Variants in CDKL3 observed in about 807,000 individuals in gnomAD.
CDKL3 encodes cyclin dependent kinase like 3, also known as cyclin-dependent kinase-like 3.
In CDKL3, 65 loss-of-function variants were observed where a neutral mutation model predicts 69.3. The observed-to-expected ratio is 0.94, with a 90% CI of 0.77 to 1.15. CDKL3 has a LOEUF of 1.15. Among genes scored for constraint, CDKL3 ranks in the 50% most tolerant of loss-of-function variants. The pLI is 0.00. For synonymous variants in CDKL3, 202 were observed against 221.6 expected, an observed-to-expected ratio of 0.91 and a Z score of 0.79; for missense variants, 652 against 689.2, an observed-to-expected ratio of 0.95 and a Z score of 0.61.
upstream of CDKL3, chr5:134,371,137 A>C (rs575662116): frequency 3.9e-6 from 1 of 253,350 alleles, no homozygotes; most frequent in South Asian, 4.0e-5. Context: ...ACGTGATCTT[A>C]CATCATCCCA....
rs368872823 is a variant in CDKL3 at position 134,307,992 on chromosome 5, C to G, written c.1364+146G>C. The G allele has an allele frequency of 7.9e-6, 10 of 1,262,912 alleles. No homozygotes were observed. The African/African-American group carries it at 1.5e-4, about 19-fold the overall frequency. 78.2% of individuals were successfully genotyped at this position (1,262,912 alleles called of 1,614,324 possible). A position where few individuals can be genotyped will look rare whatever the true frequency, so the allele number is the denominator to read the frequency against. On this transcript the variant is annotated intron_variant, in intron 9 of 12. Coordinates refer to ENST00000265334, the MANE Select transcript of CDKL3 (RefSeq NM_001113575.2). ...TCTTCTACAGCATCCATAAGAAACA[C>G]TCAGTAAATGGCCCATTATACAGCT...
At chr5:134,365,270 C>T (rs1286627145) in intron 2 of CDKL3, among the ~76,000 whole-genome samples, 2 of 152,150 alleles carry the variant, frequency 1.3e-5, no homozygotes, top group East Asian at 3.9e-4. Context: ...AGCCACCGCA[C>T]CCGGCCTTAA....
At chr5:134,340,391 G>C (rs1055920903) in intron 4 of CDKL3, among the ~76,000 whole-genome samples, 3 of 152,094 alleles carry the variant, frequency 2.0e-5, no homozygotes, top group Non-Finnish European at 2.9e-5. Flanking sequence ...TCATTAAATA[G>C]AGAATAAGAA....
In CDKL3 at chr5:134,321,915, C is replaced by CA; in HGVS notation, c.540-13dup. 1 of 1,400,160 alleles carries CA rather than the reference C, an allele frequency of 7.1e-7. No individual in the cohort carries two copies. Among genetic ancestry groups the CA allele is most frequent in the South Asian group, 1.3e-5 (1 of 78,292 alleles). 86.7% of individuals were successfully genotyped at this position (1,400,160 alleles called of 1,614,324 possible). A position where few individuals can be genotyped will look rare whatever the true frequency, so the allele number is the denominator to read the frequency against. ...AGATATCCACAGGTCTGAAACAGAT[C>CA]AGGGAAAAAAAAATCACTTTTTCAT... is the stretch of plus-strand genomic sequence containing the variant. On this transcript the variant is annotated splice_polypyrimidine_tract_variant and intron_variant, in intron 4 of 12. Transcript: ENST00000265334.
In CDKL3 at chr5:134,308,723, T is replaced by A. The variant is rs1768576014; in HGVS notation, c.886A>T (p.Met296Leu). 6.3e-7 allele frequency: 1 copy of A among 1,583,690 alleles called. No individual in the cohort carries two copies. The highest frequency in any genetic ancestry group is 1.4e-5 in the African/African-American group (1 of 73,098). ...FTRDGFIEKF[M>L]PELKAKLLQE... ...AGTAATTTAGCTTTCAGTTCTGGCATGAATCTGACAAAACAAGCAATATCA... is the reference window on the plus strand; with the variant it reads ...AGTAATTTAGCTTTCAGTTCTGGCAAGAATCTGACAAAACAAGCAATATCA... Residue 296 changes from methionine to leucine, a missense_variant, in exon 8 of 13, where the codon ATG becomes TTG. By Grantham distance (15) the Met-to-Leu change is conservative (BLOSUM62 2). Transcript: ENST00000265334.
At chr5:134,302,934 G>A (rs923403850) in intron 11 of CDKL3, among the ~76,000 whole-genome samples, 3 of 151,920 alleles carry the variant, frequency 2.0e-5, no homozygotes, top group African/African-American at 7.3e-5. Context: ...TATTCTCAGT[G>A]TAACTGTTAA....
chr5:134,334,441 TG>T (rs1776558970), intron 4 of CDKL3, among the ~76,000 whole-genome samples: 1 of 152,240 alleles, frequency 6.6e-6, no homozygotes. Context: ...TTTTCTCTTA[TG>T]GGCACTTAGT....
intron 4 of CDKL3, among the ~76,000 whole-genome samples, chr5:134,349,776 G>A (rs1332440273): frequency 1.3e-5 from 2 of 152,140 alleles, no homozygotes; most frequent in Non-Finnish European, 2.9e-5. Flanking sequence ...GGTACCTAAA[G>A]GATCTGTTAT....
intron 4 of CDKL3, among the ~76,000 whole-genome samples, chr5:134,345,811 G>A (rs1443207124): frequency 2.0e-5 from 3 of 152,144 alleles, no homozygotes; most frequent in South Asian, 2.1e-4. Flanking sequence ...GGATGTATCC[G>A]TGCAGGTCAC....
intron 4 of CDKL3, among the ~76,000 whole-genome samples, chr5:134,337,815 A>G (rs1028626900): frequency 6.6e-6 from 1 of 152,330 alleles, no homozygotes; most frequent in East Asian, 1.9e-4. Context: ...TTTTAGCAGA[A>G]TTCATATTGT....
At chr5:134,311,930 G>A (rs1769638851) in intron 7 of CDKL3, among the ~76,000 whole-genome samples, 1 of 152,106 alleles carries the variant, frequency 6.6e-6, no homozygotes, top group Non-Finnish European at 1.5e-5. Context: ...GAGTAGCTGG[G>A]ACTACAAGCG....
At position 134,298,582 on chromosome 5, in the gene CDKL3, C is replaced by G; in HGVS notation, c.*69G>C. On this transcript the variant is annotated 3_prime_UTR_variant, in exon 13 of 13. Coordinates refer to ENST00000265334, the MANE Select transcript of CDKL3 (RefSeq NM_001113575.2). ...CTTAACAACAACTCACATCACACTTCTATTGTAGATAAATAAAACGGGAAG... is the reference window on the plus strand; with the variant it reads ...CTTAACAACAACTCACATCACACTTGTATTGTAGATAAATAAAACGGGAAG... 5.1e-6 allele frequency: 8 copies of G among 1,581,222 alleles called. No individual in the cohort carries two copies. The highest frequency in any genetic ancestry group is 6.9e-6 in the Non-Finnish European group (8 of 1,166,392).
At chr5:134,350,514 A>G (rs1752989668) in intron 3 of CDKL3, 87 bp from the exon 4 acceptor site, 2 of 881,418 alleles carry the variant, frequency 2.3e-6, no homozygotes, top group African/African-American at 3.4e-5. Context: ...AAATCTAGCT[A>G]ATTAAGATAG....
At chr5:134,346,452 T>C (rs1443076165) in intron 4 of CDKL3, among the ~76,000 whole-genome samples, 1 of 152,232 alleles carries the variant, frequency 6.6e-6, no homozygotes, top group African/African-American at 2.4e-5. Context: ...TCTTTTGTTA[T>C]AAGGGTATTG....
intron 4 of CDKL3, among the ~76,000 whole-genome samples, chr5:134,342,707 A>T (rs1750818185): frequency 6.6e-6 from 1 of 152,222 alleles, no homozygotes; most frequent in South Asian, 2.1e-4. Context: ...TTAAGACAGC[A>T]ATAACCTCCA....
intron 3 of CDKL3, among the ~76,000 whole-genome samples, chr5:134,356,148 T>C (rs954718429): frequency 3.3e-5 from 5 of 152,190 alleles, no homozygotes; most frequent in African/African-American, 1.2e-4. Flanking sequence ...TAACTGGGGG[T>C]TATGAGAGAC....
chr5:134,289,978 C>T (rs538537502), intron 8 of CDKL3, among the ~76,000 whole-genome samples: 24 of 152,160 alleles, frequency 1.6e-4, no homozygotes, highest in African/African-American at 5.5e-4. Context: ...TCCATTCATT[C>T]GTCACAGAGC....
chr5:134,348,422 A>T (rs1752466282), intron 4 of CDKL3, among the ~76,000 whole-genome samples: 1 of 152,112 alleles, frequency 6.6e-6, no homozygotes, highest in Non-Finnish European at 1.5e-5. Context: ...CTTTTACAAT[A>T]AAAGTTTTCA....
At position 134,366,384 on chromosome 5, in the gene CDKL3, G is replaced by C; in HGVS notation, c.140C>G (p.Ala47Gly). The C allele has an allele frequency of 3.8e-6, 6 of 1,579,730 alleles. No individual in the cohort carries two copies. Among genetic ancestry groups the C allele is most frequent in the Non-Finnish European group, 5.1e-6 (6 of 1,165,994 alleles). Reference sequence around the variant, plus strand: ...CTTTAGAAACTTTATTTCTCTCATCGCAATTTTGTTGACAGATTGTTCTGG... The same window carrying C: ...CTTTAGAAACTTTATTTCTCTCATCCCAATTTTGTTGACAGATTGTTCTGG... Reference protein sequence around the residue: ...ERPEQSVNKIAMREIKFLKQF... With the variant: ...ERPEQSVNKIGMREIKFLKQF... The change falls in exon 2 of 13, where the codon GCG becomes GGG. Residue 47 changes from alanine (A) to glycine (G), a missense_variant. By Grantham distance (60) the Ala-to-Gly change is moderately conservative. Transcript: ENST00000265334.
Sources: gnomAD v4.1 joint callset for allele counts (sites outside exome capture counted in the v4.1 genomes callset) on GRCh38, gnomAD v4.1.1 for gene constraint, MANE v1.5 for transcripts, NCBI Gene and HGNC (gene_info 2026-07-23, HGNC 2026-07-21) for gene names.